The following UBASH3B variants were observed in gnomAD, a reference collection of about 807,000 sequenced individuals.
The protein encoded by UBASH3B is ubiquitin-associated and SH3 domain-containing protein B.
In UBASH3B, 37 loss-of-function variants were observed where a neutral mutation model predicts 83.4. The ratio of observed to expected loss-of-function variants is 0.44; its 90% CI spans 0.34 to 0.58. The LOEUF (loss-of-function observed/expected upper bound fraction) is 0.58, where lower values mean the gene tolerates loss of function less well. Among genes scored for constraint, UBASH3B ranks in the 20% least tolerant of loss-of-function variants. The pLI is 0.01. For missense variants in UBASH3B, 657 were observed against 827.2 expected (o/e 0.79, Z 2.52); for synonymous variants, 304 against 318.3 (o/e 0.96, Z 0.48).
chr11:122,796,843 G>A (rs1220981475), intron 8 of UBASH3B, 68 bp from the exon 9 acceptor site: 3 of 1,609,696 alleles, frequency 1.9e-6, no homozygotes, highest in Middle Eastern at 1.6e-4. Flanking sequence ...AGAGTGTCAG[G>A]ATCAGTAAGG....
chr11:122,678,771 G>A (rs766895904), intron 1 of UBASH3B, among the ~76,000 whole-genome samples: 28 of 152,312 alleles, frequency 1.8e-4, no homozygotes, highest in Non-Finnish European at 2.4e-4. Flanking sequence ...CATCAGTCAG[G>A]AGAATGAGTA....
chr11:122,813,731 T>C lies in UBASH3B; in HGVS notation c.*3845T>C, dbSNP rs116822115. On this transcript the variant is annotated 3_prime_UTR_variant, in exon 14 of 14. Transcript: ENST00000284273. ...GTTAATGTTCACTTTACAAAGGTGA[T>C]GGGGGATATTTTGTTAGGTGATAGC... is the stretch of plus-strand genomic sequence containing the variant. 1 of 152,282 alleles carries C rather than the reference T, an allele frequency of 6.6e-6. No individual in the cohort carries two copies. Among genetic ancestry groups the C allele is most frequent in the African/African-American group, 2.4e-5 (1 of 41,576 alleles). The allele number at this position is 152,282 out of a possible 1,614,324, so 9.4% of individuals were successfully genotyped here. A position where few individuals can be genotyped will look rare whatever the true frequency, so the allele number is the denominator to read the frequency against.
rs1004515370 is a variant in UBASH3B, at chr11:122,743,944, G to A, written c.162-32275G>A. ...GCGAGGAAGAGGTGTGATTTGATCA[G>A]GGTGGCTGCATCAGACAGGCGTTCA... On this transcript the variant is annotated intron_variant, in intron 1 of 13. Transcript: ENST00000284273. Among the ~76,000 whole-genome samples the A allele has an allele frequency of 3.7e-4, 57 of 152,212 alleles. 1 individual carries two copies. The highest frequency in any genetic ancestry group is 7.8e-4 in the Non-Finnish European group (53 of 68,042).
chr11:122,776,047 A>G (rs1860726831), intron 1 of UBASH3B, 172 bp from the exon 2 acceptor site: 5 of 537,630 alleles, frequency 9.3e-6, no homozygotes, highest in South Asian at 2.7e-5. Context: ...CCTAACTTCC[A>G]TATGTCTTGA....
At chr11:122,680,824 T>G (rs1863728970) in intron 1 of UBASH3B, among the ~76,000 whole-genome samples, 1 of 152,222 alleles carries the variant, frequency 6.6e-6, no homozygotes, top group South Asian at 2.1e-4. Flanking sequence ...CTGTCTTTTC[T>G]CCTCTACAAC....
chr11:122,811,371 C>T lies in UBASH3B; in HGVS notation c.*1485C>T, dbSNP rs565177202. 1.3e-5 allele frequency: 2 copies of T among 152,372 alleles called. No individual in the cohort carries two copies. The highest frequency in any genetic ancestry group is 4.8e-5 in the African/African-American group (2 of 41,516). 9.4% of individuals were successfully genotyped at this position (152,372 alleles called of 1,614,324 possible). A position where few individuals can be genotyped will look rare whatever the true frequency, so the allele number is the denominator to read the frequency against. On this transcript the variant is annotated 3_prime_UTR_variant, in exon 14 of 14. Coordinates refer to ENST00000284273, the MANE Select transcript of UBASH3B (RefSeq NM_032873.5). ...TGTTTCAAAACTCAGATGCATAAAACGTAAGGTATATAAAAATACATCTAT... is the reference window on the plus strand; with the variant it reads ...TGTTTCAAAACTCAGATGCATAAAATGTAAGGTATATAAAAATACATCTAT...
intron 9 of UBASH3B, among the ~76,000 whole-genome samples, chr11:122,797,513 A>G (rs1004296155): frequency 6.6e-6 from 1 of 152,228 alleles, no homozygotes; most frequent in Non-Finnish European, 1.5e-5. Context: ...TTTAGTGCTC[A>G]CTTACTTTGT....
intron 1 of UBASH3B, chr11:122,774,058 G>GA (rs890305928): frequency 4.6e-3 from 3,113 of 670,694 alleles, no homozygotes; most frequent in Middle Eastern, 5.4e-3. Flanking sequence ...CTTCTGTACT[G>GA]AAAAAAAAAA....
Position 122,761,583 on chromosome 11 carries a change from G to A in UBASH3B, c.162-14636G>A, listed in dbSNP as rs80128177. On this transcript the variant is annotated intron_variant, in intron 1 of 13. Coordinates refer to ENST00000284273, the MANE Select transcript of UBASH3B (RefSeq NM_032873.5). ...ACGTTTTCTCTGACCCACCAAAGCC[G>A]TTAGCCAGAGTCTCCTATGTAGCTT... is the stretch of plus-strand genomic sequence containing the variant. 8.5e-4 allele frequency among the ~76,000 whole-genome samples: 130 copies of A among 152,224 alleles called. No homozygotes were observed. In the East Asian group the frequency reaches 9.3e-3, roughly 11 times the overall value.
chr11:122,755,187 TG>T (rs1164077010), intron 1 of UBASH3B, among the ~76,000 whole-genome samples: 2 of 152,182 alleles, frequency 1.3e-5, no homozygotes, highest in Admixed American at 1.3e-4. Context: ...CTTAAGCATA[TG>T]TAGTGAAAGC....
At chr11:122,755,429 T>G (rs1861268140) in intron 1 of UBASH3B, among the ~76,000 whole-genome samples, 1 of 151,994 alleles carries the variant, frequency 6.6e-6, no homozygotes, top group African/African-American at 2.4e-5. Context: ...GGTTATCGCT[T>G]TGGCAAGCAG....
chr11:122,796,127 C>T (rs1861152106), intron 7 of UBASH3B, 29 bp from the exon 8 acceptor site: 1 of 1,612,312 alleles, frequency 6.2e-7, no homozygotes. Flanking sequence ...CCATGTGTGT[C>T]TTCACTAATA....
At chr11:122,761,043 G>A (rs1428747085) in intron 1 of UBASH3B, among the ~76,000 whole-genome samples, 2 of 152,158 alleles carry the variant, frequency 1.3e-5, no homozygotes, top group South Asian at 2.1e-4. Context: ...TTGCCATGAC[G>A]GTATTTCCTT....
chr11:122,786,344 G>A (rs1247873256), intron 5 of UBASH3B, among the ~76,000 whole-genome samples: 2 of 151,646 alleles, frequency 1.3e-5, no homozygotes, highest in East Asian at 2.0e-4. Flanking sequence ...CCACAGTGCC[G>A]GTCCTGGATT....
chr11:122,668,329 G>A (rs1004749754), intron 1 of UBASH3B, among the ~76,000 whole-genome samples: 1 of 152,154 alleles, frequency 6.6e-6, no homozygotes, highest in African/African-American at 2.4e-5. Context: ...TTTTCTGGAA[G>A]AATGGGAGGA....
chr11:122,713,088 T>C (rs1864221802), intron 1 of UBASH3B, among the ~76,000 whole-genome samples: 1 of 151,890 alleles, frequency 6.6e-6, no homozygotes, highest in Non-Finnish European at 1.5e-5. Context: ...TTTGTATTTT[T>C]AGTAGAGACG....
rs551834050 is a variant in UBASH3B at position 122,739,163 on chromosome 11, A to G, written c.162-37056A>G. ...CAGCATGTGCCACCACACCCGGGTAATTTGTAAATTTTTTGTAGAGACAGG... is the reference window on the plus strand; with the variant it reads ...CAGCATGTGCCACCACACCCGGGTAGTTTGTAAATTTTTTGTAGAGACAGG... On this transcript the variant is annotated intron_variant, in intron 1 of 13. Coordinates refer to ENST00000284273, the MANE Select transcript of UBASH3B (RefSeq NM_032873.5). 2.0e-5 allele frequency among the ~76,000 whole-genome samples: 3 copies of G among 152,216 alleles called. No individual in the cohort carries two copies. In the South Asian group the frequency reaches 6.2e-4, roughly 32 times the overall value.
intron 1 of UBASH3B, among the ~76,000 whole-genome samples, chr11:122,740,871 C>T (rs532713678): frequency 2.0e-5 from 3 of 152,262 alleles, no homozygotes; most frequent in African/African-American, 7.2e-5. Flanking sequence ...TAAAGTGAAA[C>T]AGAACCCACT....
At chr11:122,671,458 G>A (rs923416766) in intron 1 of UBASH3B, among the ~76,000 whole-genome samples, 1 of 152,236 alleles carries the variant, frequency 6.6e-6, no homozygotes, top group African/African-American at 2.4e-5. Flanking sequence ...TCAGGCCTCA[G>A]ATCTGCAGCA....
Sources: allele counts gnomAD v4.1 joint callset (sites outside exome capture counted in the v4.1 genomes callset), GRCh38; gene constraint gnomAD v4.1.1; transcripts MANE v1.5; gene names NCBI Gene and HGNC (gene_info 2026-07-23, HGNC 2026-07-21).